B3GLCT: variants seen among roughly 807,000 people sequenced by gnomAD.
B3GLCT encodes beta 3-glucosyltransferase, also known as beta-1,3-glucosyltransferase.
A neutral mutation model predicts 63.4 loss-of-function variants in B3GLCT; 65 were observed. That is an observed-to-expected ratio of 1.03 (90% CI 0.84 to 1.26). The LOEUF (loss-of-function observed/expected upper bound fraction) is 1.26, where lower values mean the gene tolerates loss of function less well. Ranked by LOEUF, B3GLCT falls within the 50% of genes most tolerant of loss-of-function variation. The pLI is 0.00. For missense variants in B3GLCT, 577 were observed against 604.8 expected, an observed-to-expected ratio of 0.95 and a Z score of 0.48; for synonymous variants, 233 against 219.2, an observed-to-expected ratio of 1.06 and a Z score of -0.55.
chr13:31,317,358 T>G (rs1246763213), intron 12 of B3GLCT, among the ~76,000 whole-genome samples: 1 of 152,228 alleles, frequency 6.6e-6, no homozygotes, highest in East Asian at 1.9e-4. Context: ...CTCTTCTGTT[T>G]CCAGTAATGT....
intron 12 of B3GLCT, among the ~76,000 whole-genome samples, chr13:31,287,057 A>C (rs1873371327): frequency 6.6e-6 from 1 of 152,206 alleles, no homozygotes; most frequent in African/African-American, 2.4e-5. Flanking sequence ...GAGTTCTATG[A>C]CTGCCAGAGC....
intron 12 of B3GLCT, among the ~76,000 whole-genome samples, chr13:31,289,542 G>A (rs1873535207): frequency 6.6e-6 from 1 of 151,986 alleles, no homozygotes; most frequent in South Asian, 2.1e-4. Flanking sequence ...CATGTATAAA[G>A]GACTAATAGT....
chr13:31,260,761 T>G (rs1046301748), intron 6 of B3GLCT, among the ~76,000 whole-genome samples, 185 bp from the exon 7 acceptor site: 3 of 152,222 alleles, frequency 2.0e-5, no homozygotes, highest in Non-Finnish European at 4.4e-5. Flanking sequence ...TATACAAAGC[T>G]TATATTCATT....
intron 13 of B3GLCT, among the ~76,000 whole-genome samples, chr13:31,319,267 C>T (rs961800613): frequency 1.3e-5 from 2 of 152,212 alleles, no homozygotes; most frequent in African/African-American, 2.4e-5. Flanking sequence ...CCCACCACCT[C>T]TAGTTTTTCT....
intron 1 of B3GLCT, among the ~76,000 whole-genome samples, chr13:31,214,713 C>A (rs1869462116): frequency 1.3e-5 from 2 of 152,240 alleles, no homozygotes; most frequent in Non-Finnish European, 2.9e-5. Context: ...CTTAAGAAGG[C>A]ACCAGACTTA....
intron 9 of B3GLCT, among the ~76,000 whole-genome samples, chr13:31,275,231 A>G (rs1399677786): frequency 2.0e-5 from 3 of 152,244 alleles, no homozygotes; most frequent in Admixed American, 2.0e-4. Flanking sequence ...GACTCTAGTA[A>G]TAACAATCAT....
At chr13:31,266,264 G>T (rs143879276) in intron 7 of B3GLCT, among the ~76,000 whole-genome samples, 1 of 152,018 alleles carries the variant, frequency 6.6e-6, no homozygotes, top group Non-Finnish European at 1.5e-5. Flanking sequence ...TCCCAACCTC[G>T]TGATCCGCCC....
At chr13:31,257,746 C>T (rs1304980460) in intron 6 of B3GLCT, among the ~76,000 whole-genome samples, 1 of 151,960 alleles carries the variant, frequency 6.6e-6, no homozygotes, top group African/African-American at 2.4e-5. Flanking sequence ...AGAAAATATA[C>T]AAAACTTTTA....
intron 6 of B3GLCT, among the ~76,000 whole-genome samples, chr13:31,252,959 G>A (rs1043687127): frequency 1.3e-5 from 2 of 152,134 alleles, no homozygotes; most frequent in South Asian, 4.1e-4. Context: ...CACATAATTG[G>A]AAGTAAAACA....
intron 14 of B3GLCT, among the ~76,000 whole-genome samples, chr13:31,324,121 C>T (rs1349545167): frequency 2.0e-5 from 3 of 152,124 alleles, no homozygotes; most frequent in Admixed American, 1.3e-4. Context: ...AACCAAGTGG[C>T]GTTTGACCAG....
In B3GLCT at chr13:31,282,515, G is replaced by A. The variant is rs191161477; in HGVS notation, c.851-2133G>A. Among the ~76,000 whole-genome samples the A allele has an allele frequency of 3.9e-3, 597 of 152,052 alleles. 4 individuals are homozygous for A. The highest frequency in any genetic ancestry group is 0.014 in the African/African-American group (571 of 41,470). ...AAATTAGCCGGGCGTGGTGGCGGGC[G>A]CCTGTAGTCCCAGCTACTCAGGAGG... On this transcript the variant is annotated intron_variant, in intron 10 of 14. Transcript: ENST00000343307.
rs1465375358 is a variant in B3GLCT, at chr13:31,260,053, A to G, written c.460-893A>G. Among the ~76,000 whole-genome samples the G allele has an allele frequency of 2.0e-5, 3 of 152,288 alleles. No homozygotes were observed. The East Asian group carries it at 5.8e-4, about 29-fold the overall frequency. ...AGTCTGTGCTCCTTTCCCCTGGCAC[A>G]TAAAACTCACCCTGGTCAGCCTTTT... On this transcript the variant is annotated intron_variant, in intron 6 of 14. Transcript: ENST00000343307.
chr13:31,200,413 C>T (rs1412724416), intron 1 of B3GLCT, among the ~76,000 whole-genome samples: 2 of 149,962 alleles, frequency 1.3e-5, no homozygotes, highest in African/African-American at 4.9e-5. Context: ...GCCGCCCCGG[C>T]CCCAGACTCG....
intron 6 of B3GLCT, among the ~76,000 whole-genome samples, chr13:31,254,913 C>T (rs2137819699): frequency 6.6e-6 from 1 of 151,774 alleles, no homozygotes; most frequent in African/African-American, 2.4e-5. Flanking sequence ...GGTGGGTGCC[C>T]ATAATCCCAG....
intron 7 of B3GLCT, among the ~76,000 whole-genome samples, chr13:31,266,694 A>G (rs1358832464): frequency 6.6e-6 from 1 of 152,218 alleles, no homozygotes; most frequent in African/African-American, 2.4e-5. Context: ...TGTGGGCTGC[A>G]AGAGATTGCC....
intron 4 of B3GLCT, among the ~76,000 whole-genome samples, chr13:31,239,910 C>T (rs552857098): frequency 5.4e-4 from 82 of 152,258 alleles, no homozygotes; most frequent in African/African-American, 1.6e-3. Flanking sequence ...ATCCAGGCAC[C>T]ATTTGAAGAC....
At chr13:31,275,439 G>T (rs185565491) in intron 9 of B3GLCT, among the ~76,000 whole-genome samples, 1 of 152,140 alleles carries the variant, frequency 6.6e-6, no homozygotes, top group Non-Finnish European at 1.5e-5. Context: ...TGTTGATGAT[G>T]TAGGATGCAT....
At chr13:31,321,318 A>G (rs1875318731) in intron 13 of B3GLCT, among the ~76,000 whole-genome samples, 1 of 152,248 alleles carries the variant, frequency 6.6e-6, no homozygotes, top group South Asian at 2.1e-4. Flanking sequence ...TTTCTCTAGT[A>G]TTACAGCAGA....
chr13:31,272,091 A>G (rs1406176772), intron 8 of B3GLCT, among the ~76,000 whole-genome samples: 1 of 151,002 alleles, frequency 6.6e-6, no homozygotes, highest in Non-Finnish European at 1.5e-5. Flanking sequence ...TTTTCCCCCC[A>G]CCCTCCAGTT....
Sources: gnomAD v4.1 joint callset for allele counts (sites outside exome capture counted in the v4.1 genomes callset) on GRCh38, gnomAD v4.1.1 for gene constraint, MANE v1.5 for transcripts, NCBI Gene and HGNC (gene_info 2026-07-23, HGNC 2026-07-21) for gene names.